Variants in GUCY1A2 observed in about 807,000 individuals in gnomAD.
GUCY1A2 encodes guanylate cyclase soluble subunit alpha-2.
GUCY1A2 carries 27 observed loss-of-function variants against 63.5 expected under a neutral mutation model. That is an observed-to-expected ratio of 0.43 (90% CI 0.31 to 0.59). The LOEUF (loss-of-function observed/expected upper bound fraction) is 0.59. Ranked by LOEUF, GUCY1A2 falls within the 20% of genes least tolerant of loss-of-function variation. GUCY1A2 has a pLI of 0.11. For synonymous variants in GUCY1A2, 364 were observed against 343.5 expected (o/e 1.06, Z -0.66); for missense variants, 768 against 913.3 (o/e 0.84, Z 2.05).
intron 1 of GUCY1A2, among the ~76,000 whole-genome samples, chr11:106,994,580 A>T (rs1364655582): frequency 2.0e-5 from 3 of 152,164 alleles, no homozygotes; most frequent in Admixed American, 6.5e-5. Flanking sequence ...ATCCTATTAG[A>T]TACTCACAAC....
chr11:106,972,465 G>A lies in GUCY1A2; in HGVS notation c.487+6154C>T, dbSNP rs112484187. On this transcript the variant is annotated intron_variant, in intron 3 of 7. Coordinates refer to ENST00000526355, the MANE Select transcript of GUCY1A2 (RefSeq NM_000855.3). ...ACCTGAAGAATTTAGGAATCTGAAGGGTTGTTCTCCCTTCACACAAAGAAG... is the reference window on the plus strand; with the variant it reads ...ACCTGAAGAATTTAGGAATCTGAAGAGTTGTTCTCCCTTCACACAAAGAAG... Among the ~76,000 whole-genome samples, 509 of 152,132 alleles carry A rather than the reference G, an allele frequency of 3.3e-3. 3 individuals are homozygous for A. The highest frequency in any genetic ancestry group is 0.012 in the African/African-American group (489 of 41,516).
chr11:106,927,766 G>A (rs1269812046), intron 4 of GUCY1A2, among the ~76,000 whole-genome samples: 2 of 151,070 alleles, frequency 1.3e-5, no homozygotes, highest in Non-Finnish European at 3.0e-5. Flanking sequence ...TAGACACGGG[G>A]TTTCACCATG....
chr11:107,004,271 C>A lies in GUCY1A2; in HGVS notation c.303+13482G>T, dbSNP rs377314759. Reference sequence around the variant, plus strand: ...GGAGTTAAACAGAACAAGATTCCAACCTTATTTCCGTCAGTAATTAACTGT... The same window carrying A: ...GGAGTTAAACAGAACAAGATTCCAAACTTATTTCCGTCAGTAATTAACTGT... On this transcript the variant is annotated intron_variant, in intron 1 of 7. Coordinates refer to ENST00000526355, the MANE Select transcript of GUCY1A2 (RefSeq NM_000855.3). Among the ~76,000 whole-genome samples the A allele has an allele frequency of 3.9e-5, 6 of 152,258 alleles. No individual in the cohort carries two copies. The East Asian group carries it at 7.7e-4, about 20-fold the overall frequency.
intron 6 of GUCY1A2, among the ~76,000 whole-genome samples, chr11:106,718,509 G>A (rs1173725327): frequency 6.6e-6 from 1 of 152,042 alleles, no homozygotes; most frequent in African/African-American, 2.4e-5. Flanking sequence ...ACTCATTAAT[G>A]TGTATGTTTT....
chr11:106,946,286 T>G (rs1860827313), intron 3 of GUCY1A2, among the ~76,000 whole-genome samples: 1 of 152,108 alleles, frequency 6.6e-6, no homozygotes, highest in Admixed American at 6.5e-5. Context: ...AATGGGAAAT[T>G]GGAGTAGAAC....
At chr11:106,992,263 G>A (rs1167291549) in intron 1 of GUCY1A2, among the ~76,000 whole-genome samples, 1 of 150,848 alleles carries the variant, frequency 6.6e-6, no homozygotes, top group Non-Finnish European at 1.5e-5. Context: ...GAGAGATTAG[G>A]TAATCTGTTC....
At position 106,709,317 on chromosome 11, in the gene GUCY1A2, TTATA is replaced by T. The variant is rs1171044651; in HGVS notation, c.1837-655_1837-652del. On this transcript the variant is annotated intron_variant, in intron 6 of 7. Coordinates refer to ENST00000526355, the MANE Select transcript of GUCY1A2 (RefSeq NM_000855.3). ...TTTATATTTTTATATTTATATATATTTATATATATTATATAAATATATATAAATT... is the reference window on the plus strand; with the variant it reads ...TTTATATTTTTATATTTATATATATTTATATTATATAAATATATATAAATT... Among the ~76,000 whole-genome samples the T allele has an allele frequency of 1.8e-4, 10 of 57,136 alleles. No homozygotes were observed. The Admixed American group carries it at 2.1e-3, about 12-fold the overall frequency. 37.5% of individuals were successfully genotyped at this position (57,136 alleles called of 152,430 possible).
chr11:106,776,449 C>A lies in GUCY1A2; in HGVS notation c.1826G>T (p.Arg609Ile). 3 of 1,613,338 alleles carry A rather than the reference C, an allele frequency of 1.9e-6. No individual in the cohort carries two copies. The highest frequency in any genetic ancestry group is 2.2e-5 in the South Asian group (2 of 91,038). Residue 609 changes from arginine to isoleucine, a missense_variant, in exon 6 of 8, where the codon AGA (arginine) becomes ATA (isoleucine). Arg to Ile is a moderately conservative substitution (Grantham distance 97). Around this residue, in one of 3 missense-constraint regions of GUCY1A2, gnomAD observed 150 missense variants for 188.3 expected, o/e 0.80. Coordinates refer to ENST00000526355, the MANE Select transcript of GUCY1A2 (RefSeq NM_000855.3). Reference sequence around the variant, plus strand: ...TGTTGGGAGGGTTACCTGAATCGGTCTTCCATCAGGTGTCAGCACCTCTTC... The same window carrying A: ...TGTTGGGAGGGTTACCTGAATCGGTATTCCATCAGGTGTCAGCACCTCTTC... ...LSEEVLTPDG[R>I]PIQMRIGIHS...
intron 6 of GUCY1A2, among the ~76,000 whole-genome samples, chr11:106,739,076 G>A (rs1414601808): frequency 6.6e-6 from 1 of 152,126 alleles, no homozygotes; most frequent in Non-Finnish European, 1.5e-5. Context: ...CTTGAACGGT[G>A]ATTTGTAGTT....
intron 4 of GUCY1A2, among the ~76,000 whole-genome samples, chr11:106,847,358 G>A (rs190872237): frequency 7.3e-5 from 11 of 151,084 alleles, no homozygotes; most frequent in African/African-American, 2.4e-4. Context: ...ATAAAATGAA[G>A]ATGATAATAA....
At chr11:106,743,132 C>T (rs1258863290) in intron 6 of GUCY1A2, among the ~76,000 whole-genome samples, 1 of 152,122 alleles carries the variant, frequency 6.6e-6, no homozygotes, top group Admixed American at 6.6e-5. Flanking sequence ...TGCTCCATCT[C>T]TTCTTCTTTA....
chr11:106,997,292 T>C (rs767765824), intron 1 of GUCY1A2, among the ~76,000 whole-genome samples: 28 of 152,156 alleles, frequency 1.8e-4, no homozygotes, highest in Non-Finnish European at 3.1e-4. Context: ...TGTCAGGTAA[T>C]GTCATTCTTC....
chr11:106,789,178 T>C (rs1053531349), intron 5 of GUCY1A2, among the ~76,000 whole-genome samples: 1 of 152,212 alleles, frequency 6.6e-6, no homozygotes, highest in African/African-American at 2.4e-5. Context: ...CATTGCTAGG[T>C]ATTTAATTTT....
chr11:106,861,276 A>G (rs1859508240), intron 4 of GUCY1A2, among the ~76,000 whole-genome samples: 2 of 148,120 alleles, frequency 1.4e-5, no homozygotes, highest in South Asian at 4.4e-4. Flanking sequence ...GAGAAATGTT[A>G]TTTCATTTTC....
Position 106,698,479 on chromosome 11 carries a change from TTATAGAAGAATTGCAAAGATAA to T in GUCY1A2, c.1991+10011_1991+10032del, listed in dbSNP as rs1167014258. On this transcript the variant is annotated intron_variant, in intron 7 of 7. Coordinates refer to ENST00000526355, the MANE Select transcript of GUCY1A2 (RefSeq NM_000855.3). The stretch of plus-strand genomic sequence containing the variant: ...AGCATTTTTTGGAATAATGTTAGAT[TTATAGAAGAATTGCAAAGATAA>T]TATAGAAGAATTGCAAAGATATATA... Among the ~76,000 whole-genome samples, 22 of 152,194 alleles carry T rather than the reference TTATAGAAGAATTGCAAAGATAA, an allele frequency of 1.4e-4. 1 individual carries two copies. In the South Asian group the frequency reaches 3.3e-3, roughly 23 times the overall value.
At chr11:106,970,872 A>G (rs1211691703) in intron 3 of GUCY1A2, among the ~76,000 whole-genome samples, 2 of 149,388 alleles carry the variant, frequency 1.3e-5, no homozygotes, top group East Asian at 4.0e-4. Flanking sequence ...GTTAAATGGA[A>G]TATTTTTCAG....
chr11:106,928,302 G>C lies in GUCY1A2; in HGVS notation c.1206+11158C>G, dbSNP rs182833655. Among the ~76,000 whole-genome samples, 749 of 152,214 alleles carry C rather than the reference G, an allele frequency of 4.9e-3. 3 individuals are homozygous for C. The highest frequency in any genetic ancestry group is 7.0e-3 in the Non-Finnish European group (476 of 67,998). On this transcript the variant is annotated intron_variant, in intron 4 of 7. Coordinates refer to ENST00000526355, the MANE Select transcript of GUCY1A2 (RefSeq NM_000855.3). ...TGTAAGCTTGAAATCTCAATCCTTT[G>C]AAGAACCTACACATGTTATTACAAG...
At chr11:106,868,768 T>C (rs1457060721) in intron 4 of GUCY1A2, among the ~76,000 whole-genome samples, 3 of 152,158 alleles carry the variant, frequency 2.0e-5, no homozygotes, top group Non-Finnish European at 2.9e-5. Context: ...TTAAAGTTCA[T>C]ATGGAACCAA....
intron 3 of GUCY1A2, among the ~76,000 whole-genome samples, chr11:106,966,777 C>T (rs1440204954): frequency 1.3e-5 from 2 of 152,082 alleles, no homozygotes; most frequent in African/African-American, 4.8e-5. Flanking sequence ...AGTTGCTTGA[C>T]TACTAAATTT....
Sources: gnomAD v4.1 joint callset for allele counts (sites outside exome capture counted in the v4.1 genomes callset) on GRCh38, gnomAD v4.1.1 for gene constraint, gnomAD v4.1.1 regional missense constraint, MANE v1.5 for transcripts, NCBI Gene and HGNC (gene_info 2026-07-23, HGNC 2026-07-21) for gene names.